Variants in ANK2 observed in about 807,000 individuals in gnomAD.
ANK2 encodes ankyrin-2.
A neutral mutation model predicts 360.5 loss-of-function variants in ANK2; 83 were observed. That is an observed-to-expected ratio of 0.23 (90% CI 0.19 to 0.28). The LOEUF is 0.28. ANK2 is among the 10% of genes least tolerant of loss of function. The pLI is 1.00. For missense variants in ANK2, 4,201 were observed against 4,795.7 expected (o/e 0.88, Z 3.66); for synonymous variants, 1,740 against 1,759.5 (o/e 0.99, Z 0.28).
At chr4:112,975,487 T>G (rs2041075930) in intron 2 of ANK2, among the ~76,000 whole-genome samples, 1 of 152,170 alleles carries the variant, frequency 6.6e-6, no homozygotes. Context: ...TTAAATAATT[T>G]TTCACTGTTT....
chr4:113,357,796 A>G lies in ANK2; in HGVS notation c.9178A>G (p.Lys3060Glu), dbSNP rs2154028505. 6.2e-7 allele frequency: 1 copy of G among 1,613,950 alleles called. No individual in the cohort carries two copies. Among genetic ancestry groups the G allele is most frequent in the Non-Finnish European group, 8.5e-7 (1 of 1,179,922 alleles). ...CGATGAAGCCTTTGAGGCTCGTGTG[A>G]AAGAGGAAGAACAAAAGATATTTGG... The part of the protein sequence containing the change: ...EDDEAFEARV[K>E]EEEQKIFGLM... Residue 3060 changes from lysine to glutamate, a missense_variant, in exon 38 of 46, where the codon AAA (lysine) becomes GAA (glutamate). This residue lies in a region of ANK2 where 2,642 missense variants were observed against 2,714.5 expected (regional missense o/e 0.97). Coordinates refer to ENST00000357077, the MANE Select transcript of ANK2 (RefSeq NM_001148.6).
chr4:112,705,635 G>T, the ANK2 span, among the ~76,000 whole-genome samples: 80 of 152,240 alleles, frequency 5.3e-4, no homozygotes, highest in Admixed American at 7.2e-4. Flanking sequence ...AGTGATGCGG[G>T]AGCGCCCGCG....
At chr4:112,890,415 G>A (rs1397669016) in intron 1 of ANK2, among the ~76,000 whole-genome samples, 2 of 152,056 alleles carry the variant, frequency 1.3e-5, no homozygotes, top group African/African-American at 4.8e-5. Flanking sequence ...CACCTACAAC[G>A]ATCAGATATT....
At position 112,826,693 on chromosome 4, in the gene ANK2, G is replaced by A. The variant is rs549557417; in HGVS notation, c.-40+8429G>A. Reference sequence around the variant, plus strand: ...TCAGCATTGACCATTCAGAAATCTGGATAGAAGACAATGCCAGTGAACACC... The same window carrying A: ...TCAGCATTGACCATTCAGAAATCTGAATAGAAGACAATGCCAGTGAACACC... On this transcript the variant is annotated intron_variant, in intron 1 of 30. Transcript: ENST00000503271. The A allele has an allele frequency of 3.3e-6, 3 of 899,430 alleles. No homozygotes were observed. In the South Asian group the frequency reaches 4.8e-5, roughly 14 times the overall value. The allele number at this position is 899,430 out of a possible 1,614,324, so 55.7% of individuals were successfully genotyped here.
chr4:113,126,653 A>G (rs1279725588), intron 1 of ANK2, among the ~76,000 whole-genome samples: 3 of 152,162 alleles, frequency 2.0e-5, no homozygotes, highest in Non-Finnish European at 4.4e-5. Context: ...CTGTGAAATC[A>G]CACGTTTCCA....
At chr4:112,907,491 C>T (rs1241121788) in intron 2 of ANK2, among the ~76,000 whole-genome samples, 1 of 152,188 alleles carries the variant, frequency 6.6e-6, no homozygotes, top group African/African-American at 2.4e-5. Context: ...TATCCCTCTT[C>T]TTTCCCCTCC....
In ANK2 at chr4:113,354,798, C is replaced by A. The variant is rs199926837; in HGVS notation, c.6180C>A (p.Gly2060=). ...IKRGQRLPVT[G]TAESKRGVRV... ...GAGGCCAGAGACTCCCGGTAACGGG[C>A]ACAGCAGAATCCAAAAGAGGAGTTC... The change falls in exon 38 of 46, where the codon GGC becomes GGA. Residue 2060 remains glycine, a synonymous_variant. Coordinates refer to ENST00000357077, the MANE Select transcript of ANK2 (RefSeq NM_001148.6). The A allele has an allele frequency of 1.2e-6, 2 of 1,614,094 alleles. No individual in the cohort carries two copies.
intron 2 of ANK2, among the ~76,000 whole-genome samples, chr4:113,187,789 A>C (rs1299583992): frequency 6.6e-6 from 1 of 152,210 alleles, no homozygotes; most frequent in Non-Finnish European, 1.5e-5. Flanking sequence ...GGATTGACAC[A>C]TAATAGATAT....
chr4:112,716,300 T>C, the ANK2 span, among the ~76,000 whole-genome samples: 1 of 152,198 alleles, frequency 6.6e-6, no homozygotes, highest in East Asian at 1.9e-4. Flanking sequence ...CTTGCTATGT[T>C]GACCAGGCTG....
intron 2 of ANK2, among the ~76,000 whole-genome samples, chr4:112,964,694 C>G (rs968315825): frequency 6.6e-6 from 1 of 151,822 alleles, no homozygotes; most frequent in Admixed American, 6.6e-5. Flanking sequence ...CTCAGCCTAC[C>G]GAGTAGCTGG....
chr4:112,873,108 CTT>C (rs1010435013), intron 1 of ANK2, among the ~76,000 whole-genome samples: 7 of 151,864 alleles, frequency 4.6e-5, no homozygotes, highest in Admixed American at 1.3e-4. Context: ...AATTTTCTCT[CTT>C]TTTTCTTGAT....
the ANK2 span, among the ~76,000 whole-genome samples, chr4:112,730,636 C>CAAAAAAAA: frequency 3.5e-5 from 2 of 57,936 alleles, no homozygotes; most frequent in Non-Finnish European, 6.1e-5. Flanking sequence ...GACTCCATCT[C>CAAAAAAAA]AAAAAAAAAA....
chr4:113,232,688 G>C (rs1190975787), intron 5 of ANK2, among the ~76,000 whole-genome samples: 1 of 77,370 alleles, frequency 1.3e-5, no homozygotes, highest in Admixed American at 1.4e-4. Context: ...CATGAGGAAT[G>C]TCATTAAAAA....
chr4:113,094,078 T>G (rs1453151227), intron 1 of ANK2, among the ~76,000 whole-genome samples: 1 of 152,206 alleles, frequency 6.6e-6, no homozygotes, highest in Non-Finnish European at 1.5e-5. Context: ...TGTTTCTCTT[T>G]TTCAATTATT....
intron 2 of ANK2, among the ~76,000 whole-genome samples, chr4:112,909,060 A>G (rs537871282): frequency 6.6e-6 from 1 of 152,378 alleles, no homozygotes; most frequent in South Asian, 2.1e-4. Flanking sequence ...CGACTGGAAG[A>G]AAATAGCGAA....
intron 1 of ANK2, among the ~76,000 whole-genome samples, chr4:113,173,085 T>C (rs1057328926): frequency 6.6e-6 from 1 of 152,208 alleles, no homozygotes; most frequent in African/African-American, 2.4e-5. Context: ...ATTCTGGATG[T>C]ATAGATTTCA....
At chr4:112,956,640 G>A (rs1166367857) in intron 2 of ANK2, among the ~76,000 whole-genome samples, 1 of 152,148 alleles carries the variant, frequency 6.6e-6, no homozygotes, top group Non-Finnish European at 1.5e-5. Context: ...ACTCAAAATG[G>A]CACGCAGTTT....
intron 2 of ANK2, among the ~76,000 whole-genome samples, chr4:113,027,897 G>A (rs1376758876): frequency 6.6e-6 from 1 of 152,018 alleles, no homozygotes; most frequent in Non-Finnish European, 1.5e-5. Flanking sequence ...TACACTATCA[G>A]GTTATGTAAC....
intron 2 of ANK2, among the ~76,000 whole-genome samples, chr4:113,180,143 G>A (rs560159470): frequency 9.8e-5 from 15 of 152,322 alleles, no homozygotes; most frequent in African/African-American, 3.4e-4. Flanking sequence ...GATACACTCA[G>A]CAATGACTTT....
Sources: allele counts gnomAD v4.1 joint callset (sites outside exome capture counted in the v4.1 genomes callset), GRCh38; gene constraint gnomAD v4.1.1; regional missense constraint gnomAD v4.1.1; transcripts MANE v1.5; gene names NCBI Gene and HGNC (gene_info 2026-07-23, HGNC 2026-07-21).